DCC: variants seen among roughly 807,000 people sequenced by gnomAD.
DCC encodes netrin receptor DCC.
In DCC, 58 loss-of-function variants were observed where a neutral mutation model predicts 172.5. The ratio of observed to expected loss-of-function variants is 0.34; its 90% CI spans 0.27 to 0.42. The LOEUF (loss-of-function observed/expected upper bound fraction) is 0.42. DCC is among the 10% of genes least tolerant of loss of function. The pLI is 1.00. For missense variants in DCC, 1,740 were observed against 1,791.0 expected (o/e 0.97, Z 0.51); for synonymous variants, 709 against 644.5 (o/e 1.10, Z -1.52).
chr18:52,528,936 A>G (rs1309874569), intron 1 of DCC, among the ~76,000 whole-genome samples: 3 of 152,132 alleles, frequency 2.0e-5, no homozygotes, highest in Non-Finnish European at 4.4e-5. Flanking sequence ...CCCAATACTT[A>G]TCAACTGGCT....
At chr18:53,360,368 A>G (rs576394670) in intron 15 of DCC, among the ~76,000 whole-genome samples, 28 of 152,298 alleles carry the variant, frequency 1.8e-4, no homozygotes, top group African/African-American at 4.1e-4. Flanking sequence ...AGTTATTTAC[A>G]TATTTTATTT....
At chr18:53,352,813 A>G (rs1304124986) in intron 15 of DCC, among the ~76,000 whole-genome samples, 1 of 151,996 alleles carries the variant, frequency 6.6e-6, no homozygotes, top group Admixed American at 6.6e-5. Context: ...GTATATGTGT[A>G]TGTGTGTGTG....
At chr18:53,171,674 T>C (rs1437357802) in intron 8 of DCC, among the ~76,000 whole-genome samples, 1 of 152,106 alleles carries the variant, frequency 6.6e-6, no homozygotes, top group Non-Finnish European at 1.5e-5. Context: ...CATGTCCAGA[T>C]TTTCTTGCGT....
chr18:52,694,333 C>A (rs1381104485), intron 1 of DCC, among the ~76,000 whole-genome samples: 1 of 151,838 alleles, frequency 6.6e-6, no homozygotes, highest in African/African-American at 2.4e-5. Context: ...CTGATTAGAT[C>A]CTGAGGAAAC....
At chr18:53,499,999 T>C (rs527960792) in intron 27 of DCC, among the ~76,000 whole-genome samples, 5 of 152,352 alleles carry the variant, frequency 3.3e-5, no homozygotes, top group Admixed American at 2.0e-4. Context: ...CAAAGAAATG[T>C]CAGAACCAGT....
rs1481998810 is a variant in DCC at position 53,128,860 on chromosome 18, CACACACACACATATATATAT to C, written c.1262-28494_1262-28475del. ...ACACACACACACACACACACACACA[CACACACACACATATATATAT>C]ATATATATATATATATATATATATT... is the stretch of plus-strand genomic sequence containing the variant. On this transcript the variant is annotated intron_variant, in intron 7 of 28. Coordinates refer to ENST00000442544, the MANE Select transcript of DCC (RefSeq NM_005215.4). 9.5e-3 allele frequency among the ~76,000 whole-genome samples: 754 copies of C among 79,256 alleles called. 9 individuals are homozygous for C. The highest frequency in any genetic ancestry group is 0.033 in the African/African-American group (697 of 21,174). 52.0% of individuals were successfully genotyped at this position (79,256 alleles called of 152,430 possible). A position where few individuals can be genotyped will look rare whatever the true frequency, so the allele number is the denominator to read the frequency against.
intron 2 of DCC, among the ~76,000 whole-genome samples, chr18:52,873,093 A>T (rs1437195225): frequency 6.6e-6 from 1 of 152,218 alleles, no homozygotes; most frequent in African/African-American, 2.4e-5. Context: ...CTGATTTTTT[A>T]AAAATACCTT....
chr18:52,662,284 C>T (rs1353473692), intron 1 of DCC, among the ~76,000 whole-genome samples: 2 of 152,096 alleles, frequency 1.3e-5, no homozygotes, highest in Non-Finnish European at 2.9e-5. Flanking sequence ...GGAGATTCAA[C>T]ATGTGCATCA....
In DCC at chr18:53,207,691, G is replaced by A. The variant is rs145476578; in HGVS notation, c.1735G>A (p.Asp579Asn). The A allele has an allele frequency of 1.2e-6, 2 of 1,613,508 alleles. No homozygotes were observed. Among genetic ancestry groups the A allele is most frequent in the African/African-American group, 1.3e-5 (1 of 74,878 alleles). Residue 579 changes from aspartate to asparagine, a missense_variant, in exon 11 of 29, where the codon GAT becomes AAT. Asp to Asn is a conservative substitution (Grantham distance 23, BLOSUM62 1). Coordinates refer to ENST00000442544, the MANE Select transcript of DCC (RefSeq NM_005215.4). ...TTTATGTCTCCAGAATATAGAGGTT[G>A]ATGGACTATCTTATAAACTGGAAGG... is the stretch of plus-strand genomic sequence containing the variant. ...STGKEQNIEV[D>N]GLSYKLEGLK...
At chr18:52,420,155 A>G (rs1454476226) in intron 1 of DCC, among the ~76,000 whole-genome samples, 1 of 152,220 alleles carries the variant, frequency 6.6e-6, no homozygotes, top group Non-Finnish European at 1.5e-5. Context: ...TTAGAAAAAA[A>G]CAAGGCACCA....
chr18:53,132,982 C>CTA (rs2144325115), intron 7 of DCC, among the ~76,000 whole-genome samples: 1 of 152,292 alleles, frequency 6.6e-6, no homozygotes, highest in East Asian at 1.9e-4. Flanking sequence ...TTACCTAGAG[C>CTA]TATATGAAGC....
At chr18:52,697,210 C>A (rs2036027301) in intron 1 of DCC, among the ~76,000 whole-genome samples, 1 of 152,076 alleles carries the variant, frequency 6.6e-6, no homozygotes, top group Non-Finnish European at 1.5e-5. Flanking sequence ...TTAAAAATGC[C>A]AGTTTGTGAA....
chr18:52,882,803 G>GT (rs1466732748), intron 2 of DCC, among the ~76,000 whole-genome samples: 2 of 152,098 alleles, frequency 1.3e-5, no homozygotes, highest in Admixed American at 1.3e-4. Flanking sequence ...TAAATCTGAT[G>GT]TTTCTTTGTT....
intron 1 of DCC, among the ~76,000 whole-genome samples, chr18:52,555,035 G>A (rs2144729588): frequency 6.6e-6 from 1 of 152,022 alleles, no homozygotes; most frequent in South Asian, 2.1e-4. Context: ...TGGAAGGTGG[G>A]GGTGAGCTAA....
intron 1 of DCC, among the ~76,000 whole-genome samples, chr18:52,511,051 A>T (rs1421498912): frequency 1.3e-5 from 2 of 152,136 alleles, no homozygotes; most frequent in Non-Finnish European, 2.9e-5. Context: ...CAGGTCTTTA[A>T]CAAGAGTCTA....
At chr18:53,140,262 A>G (rs574074496) in intron 7 of DCC, among the ~76,000 whole-genome samples, 1 of 152,236 alleles carries the variant, frequency 6.6e-6, no homozygotes, top group Non-Finnish European at 1.5e-5. Context: ...TTAGAAAAAC[A>G]TATGTTAAAA....
At chr18:52,367,276 C>G (rs917148085) in intron 1 of DCC, among the ~76,000 whole-genome samples, 1 of 152,200 alleles carries the variant, frequency 6.6e-6, no homozygotes, top group African/African-American at 2.4e-5. Flanking sequence ...GGTTCCCGCT[C>G]GCGCCTCTCC....
intron 7 of DCC, among the ~76,000 whole-genome samples, chr18:53,111,917 C>A (rs2043338715): frequency 6.6e-6 from 1 of 151,602 alleles, no homozygotes; most frequent in South Asian, 2.1e-4. Context: ...TTCATTGTCT[C>A]ACTGATCTAC....
chr18:53,273,198 C>T (rs2056767322), intron 12 of DCC, among the ~76,000 whole-genome samples: 1 of 152,106 alleles, frequency 6.6e-6, no homozygotes, highest in Non-Finnish European at 1.5e-5. Context: ...CATTTACTCC[C>T]ATGGAGCCTG....
Sources: allele counts gnomAD v4.1 joint callset (sites outside exome capture counted in the v4.1 genomes callset), GRCh38; gene constraint gnomAD v4.1.1; transcripts MANE v1.5; gene names NCBI Gene and HGNC (gene_info 2026-07-23, HGNC 2026-07-21).